The following SLC14A2 variants were observed in gnomAD, a reference collection of about 807,000 sequenced individuals.
SLC14A2 encodes solute carrier family 14 member 2, also known as urea transporter 2.
In SLC14A2, 91 loss-of-function variants were observed where a neutral mutation model predicts 104.6. That is an observed-to-expected ratio of 0.87 (90% CI 0.73 to 1.04). SLC14A2 has a LOEUF of 1.04. Ranked by LOEUF, SLC14A2 falls within the 50% of genes least tolerant of loss-of-function variation. The pLI is 0.00. For synonymous variants in SLC14A2, 476 were observed against 466.4 expected (o/e 1.02, Z -0.27); for missense variants, 1,189 against 1,156.0 (o/e 1.03, Z -0.41).
chr18:45,371,010 G>T (rs2085717030), intron 1 of SLC14A2, among the ~76,000 whole-genome samples: 1 of 152,176 alleles, frequency 6.6e-6, no homozygotes, highest in African/African-American at 2.4e-5. Flanking sequence ...GTTAGGAGAA[G>T]ACAGGCCAGA....
At chr18:45,572,870 G>A (rs2044367518) in intron 2 of SLC14A2, among the ~76,000 whole-genome samples, 1 of 152,116 alleles carries the variant, frequency 6.6e-6, no homozygotes, top group Non-Finnish European at 1.5e-5. Flanking sequence ...CCTTTATTCT[G>A]AGAGGTTTAA....
At chr18:45,461,908 G>A (rs888337432) in intron 1 of SLC14A2, among the ~76,000 whole-genome samples, 2 of 152,278 alleles carry the variant, frequency 1.3e-5, no homozygotes, top group Non-Finnish European at 2.9e-5. Context: ...CTGAGGTGAT[G>A]TGGGGCCTGG....
Position 45,639,725 on chromosome 18 carries a change from T to G in SLC14A2, c.844-21T>G, listed in dbSNP as rs549879572. 200 of 1,612,508 alleles carry G rather than the reference T, an allele frequency of 1.2e-4. 1 individual carries two copies. The highest frequency in any genetic ancestry group is 7.9e-4 in the South Asian group (72 of 90,922). On this transcript the variant is annotated intron_variant, in intron 6 of 19. Coordinates refer to ENST00000255226, the MANE Select transcript of SLC14A2 (RefSeq NM_007163.4). ...CATTATTGTCCATGCTCCAGTGACC[T>G]GTATTCTGTTAACTTTGCAGCTGTT... is the stretch of plus-strand genomic sequence containing the variant.
chr18:45,660,777 A>G (rs1453079927), intron 10 of SLC14A2, among the ~76,000 whole-genome samples: 2 of 152,246 alleles, frequency 1.3e-5, no homozygotes, highest in Admixed American at 6.5e-5. Flanking sequence ...AGACATGTTC[A>G]TAATCTTCTT....
chr18:45,321,182 A>G (rs1026840998), intron 1 of SLC14A2, among the ~76,000 whole-genome samples: 1 of 152,216 alleles, frequency 6.6e-6, no homozygotes, highest in African/African-American at 2.4e-5. Flanking sequence ...GGCTTCCCCA[A>G]GATCTGTTGA....
the SLC14A2 span, among the ~76,000 whole-genome samples, chr18:45,200,737 A>G: frequency 6.6e-6 from 1 of 152,160 alleles, no homozygotes; most frequent in African/African-American, 2.4e-5. Context: ...CTGGGATGCA[A>G]TATGTAGATT....
At chr18:45,454,110 G>A (rs548618323) in intron 1 of SLC14A2, among the ~76,000 whole-genome samples, 21 of 151,884 alleles carry the variant, frequency 1.4e-4, no homozygotes, top group Non-Finnish European at 2.6e-4. Context: ...CACCCACCTC[G>A]GCCTCCCATA....
rs1007603401 is a variant in SLC14A2, at chr18:45,247,223, T to C, written c.-125+34032T>C. 1.3e-5 allele frequency among the ~76,000 whole-genome samples: 2 copies of C among 152,226 alleles called. 1 individual carries two copies. Among genetic ancestry groups the C allele is most frequent in the African/African-American group, 4.8e-5 (2 of 41,460 alleles). ...AGAATTACTACTTTGTTTTAAAGGTTGTTTCAACACCAAACTCCCCGGTAC... is the reference window on the plus strand; with the variant it reads ...AGAATTACTACTTTGTTTTAAAGGTCGTTTCAACACCAAACTCCCCGGTAC... On this transcript the variant is annotated intron_variant, in intron 1 of 20. Coordinates refer to the SLC14A2 transcript ENST00000586448.
chr18:45,556,335 T>C (rs1421765958), intron 2 of SLC14A2, among the ~76,000 whole-genome samples: 3 of 152,152 alleles, frequency 2.0e-5, no homozygotes, highest in Non-Finnish European at 4.4e-5. Flanking sequence ...AGGTCTATGG[T>C]GTGGCCTCCT....
rs754092555 is a variant in SLC14A2 at position 45,641,341 on chromosome 18, G to A, written c.1124G>A (p.Cys375Tyr). The change falls in exon 8 of 20, where the codon TGT (cysteine) becomes TAT (tyrosine). Residue 375 changes from cysteine to tyrosine, a missense_variant and splice_region_variant. Transcript: ENST00000255226. ...TWQTHLLALICALFCAYMEAA... is the reference protein window; with the variant it reads ...TWQTHLLALIYALFCAYMEAA... ...CAGACTCACCTGCTGGCCCTCATCT[G>A]TGGTAGGTGTTCAGAAAAGCTGACA... The A allele has an allele frequency of 1.9e-6, 3 of 1,614,180 alleles. No individual in the cohort carries two copies. The South Asian group carries it at 3.3e-5, about 18-fold the overall frequency.
In SLC14A2 at chr18:45,326,417, T is replaced by C. The variant is rs138945493; in HGVS notation, c.-125+113226T>C. Among the ~76,000 whole-genome samples the C allele has an allele frequency of 2.5e-3, 381 of 152,188 alleles. 2 individuals are homozygous for C. Among genetic ancestry groups the C allele is most frequent in the African/African-American group, 8.8e-3 (364 of 41,480 alleles). ...ACCATTGAATGTGGGAATCATATTA[T>C]CAATATCTAAAATGTATAGGAAAGC... On this transcript the variant is annotated intron_variant, in intron 1 of 20. Transcript: ENST00000586448.
intron 4 of SLC14A2, 73 bp downstream of exon 4, chr18:45,627,220 C>A: frequency 1.4e-6 from 2 of 1,392,422 alleles, no homozygotes; most frequent in South Asian, 1.3e-5. Context: ...CTTGAGTAAT[C>A]AGTCAACCTT....
At chr18:45,199,913 G>C in the SLC14A2 span, among the ~76,000 whole-genome samples, 1 of 152,114 alleles carries the variant, frequency 6.6e-6, no homozygotes. Flanking sequence ...CAGGCAAGAG[G>C]GGATGTTCCA....
In SLC14A2 at chr18:45,547,952, C is replaced by T. The variant is rs537500126; in HGVS notation, c.-35+64630C>T. Among the ~76,000 whole-genome samples, 12 of 152,272 alleles carry T rather than the reference C, an allele frequency of 7.9e-5. No homozygotes were observed. The South Asian group carries it at 2.5e-3, about 32-fold the overall frequency. On this transcript the variant is annotated intron_variant, in intron 2 of 20. Coordinates refer to the SLC14A2 transcript ENST00000586448. ...GGTAAGACTGAAAGGTGGGCAGCGT[C>T]GGCTAGGAGAATGGGTTCAAATAGG... is the stretch of plus-strand genomic sequence containing the variant.
chr18:45,173,520 A>C, the SLC14A2 span, among the ~76,000 whole-genome samples: 1 of 151,734 alleles, frequency 6.6e-6, no homozygotes, highest in Non-Finnish European at 1.5e-5. Flanking sequence ...ACTGGATGGA[A>C]GTTGGAAGAT....
At chr18:45,297,041 G>C (rs149744979) in intron 1 of SLC14A2, among the ~76,000 whole-genome samples, 1 of 152,176 alleles carries the variant, frequency 6.6e-6, no homozygotes, top group East Asian at 1.9e-4. Flanking sequence ...CCCTATGGAA[G>C]AAAACAATAA....
chr18:45,536,697 T>C (rs2043791149), intron 2 of SLC14A2, among the ~76,000 whole-genome samples: 1 of 152,232 alleles, frequency 6.6e-6, no homozygotes, highest in East Asian at 1.9e-4. Flanking sequence ...ACATATCTTT[T>C]GGGGGGCACA....
chr18:45,174,714 G>A, the SLC14A2 span, among the ~76,000 whole-genome samples: 1 of 152,132 alleles, frequency 6.6e-6, no homozygotes, highest in Non-Finnish European at 1.5e-5. Flanking sequence ...TCCTAGGATG[G>A]TGCATTAAAA....
intron 1 of SLC14A2, among the ~76,000 whole-genome samples, chr18:45,287,050 G>A (rs761023252): frequency 2.0e-5 from 3 of 152,190 alleles, no homozygotes; most frequent in Non-Finnish European, 4.4e-5. Context: ...CTCCAAAGGA[G>A]AGCCATTTGC....
Sources: allele counts gnomAD v4.1 joint callset (sites outside exome capture counted in the v4.1 genomes callset), GRCh38; gene constraint gnomAD v4.1.1; transcripts MANE v1.5; gene names NCBI Gene and HGNC (gene_info 2026-07-23, HGNC 2026-07-21).